Variants in TAAR2 observed in about 807,000 individuals in gnomAD.
TAAR2 encodes trace amine-associated receptor 2.
In TAAR2, 30 loss-of-function variants were observed where a neutral mutation model predicts 25.5. The ratio of observed to expected loss-of-function variants is 1.18; its 90% CI spans 0.88 to 1.60. The LOEUF (loss-of-function observed/expected upper bound fraction) is 1.60, where lower values mean the gene tolerates loss of function less well. Among genes scored for constraint, TAAR2 ranks in the 40% most tolerant of loss-of-function variants. The pLI, the probability that TAAR2 is intolerant of heterozygous loss-of-function variation, is 0.00. For synonymous variants in TAAR2, 150 were observed against 142.4 expected, an observed-to-expected ratio of 1.05 and a Z score of -0.38; for missense variants, 481 against 416.5, an observed-to-expected ratio of 1.15 and a Z score of -1.35.
chr6:132,623,822 A>G (rs1777408775), intron 1 of TAAR2, among the ~76,000 whole-genome samples: 1 of 152,050 alleles, frequency 6.6e-6, no homozygotes, highest in African/African-American at 2.4e-5. Context: ...TTTATCACCT[A>G]CAGCATTTAA....
Position 132,617,313 on chromosome 6 carries a change from T to C in TAAR2, c.893A>G (p.Asp298Gly). 6.2e-7 allele frequency: 1 copy of C among 1,613,686 alleles called. No individual in the cohort carries two copies. Among genetic ancestry groups the C allele is most frequent in the South Asian group, 1.1e-5 (1 of 91,038 alleles). Reference protein sequence around the residue: ...LNFSTPVVLFDALTWFGYFNS... With the variant: ...LNFSTPVVLFGALTWFGYFNS... Reference sequence around the variant, plus strand: ...AAAATAGCCAAACCATGTCAAGGCATCAAACAAAACTACAGGAGTAGAGAA... The same window carrying C: ...AAAATAGCCAAACCATGTCAAGGCACCAAACAAAACTACAGGAGTAGAGAA... Residue 298 changes from aspartate (D) to glycine (G), a missense_variant, in exon 2 of 2, where the codon GAT becomes GGT. By Grantham distance (94) the Asp-to-Gly change is moderately conservative. Transcript: ENST00000367931.
At chr6:132,623,335 C>A (rs972545109) in intron 1 of TAAR2, among the ~76,000 whole-genome samples, 4 of 152,162 alleles carry the variant, frequency 2.6e-5, no homozygotes, top group East Asian at 1.9e-4. Context: ...AAAATGACTG[C>A]CTTTTATTAC....
intron 1 of TAAR2, among the ~76,000 whole-genome samples, chr6:132,618,523 C>A (rs1425822047): frequency 6.6e-6 from 1 of 151,978 alleles, no homozygotes; most frequent in Non-Finnish European, 1.5e-5. Flanking sequence ...GCCTGTAATC[C>A]CAGCTACTCG....
Position 132,618,078 on chromosome 6 carries a change from C to G in TAAR2, c.128G>C (p.Arg43Pro). The G allele has an allele frequency of 1.2e-6, 2 of 1,613,736 alleles. No homozygotes were observed. Among genetic ancestry groups the G allele is most frequent in the Non-Finnish European group, 1.7e-6 (2 of 1,179,868 alleles). Reference sequence around the variant, plus strand: ...TGCCATAAATGAATACATAGCCACTCGGACACCCAGAGATCTTTCATTTTC... The same window carrying G: ...TGCCATAAATGAATACATAGCCACTGGGACACCCAGAGATCTTTCATTTTC... The part of the protein sequence containing the change: ...CPENERSLGV[R>P]VAMYSFMAGS... Residue 43 changes from arginine to proline, a missense_variant, in exon 2 of 2, where the codon CGA becomes CCA. Coordinates refer to ENST00000367931, the MANE Select transcript of TAAR2 (RefSeq NM_001033080.1).
intron 1 of TAAR2, among the ~76,000 whole-genome samples, chr6:132,622,028 C>A (rs761002219): frequency 1.3e-5 from 2 of 152,004 alleles, no homozygotes; most frequent in Non-Finnish European, 2.9e-5. Flanking sequence ...TTTCAAGGGT[C>A]ATTTTTTCTA....
chr6:132,624,120 A>G, intron 1 of TAAR2, 96 bp downstream of exon 1: 1 of 1,158,058 alleles, frequency 8.6e-7, no homozygotes. Flanking sequence ...GGAGGAATTG[A>G]GCATAATTAT....
Position 132,618,093 on chromosome 6 carries a change from C to G in TAAR2, c.113G>C (p.Arg38Thr). The part of the protein sequence containing the change: ...YGNRSCPENE[R>T]SLGVRVAMYS... ...CATAGCCACTCGGACACCCAGAGAT[C>G]TTTCATTTTCTGGGCAAGATCTATT... Residue 38 changes from arginine (R) to threonine (T), a missense_variant, in exon 2 of 2, where the codon AGA (arginine) becomes ACA (threonine). Physicochemically the swap from Arg to Thr is moderately conservative, Grantham distance 71 (BLOSUM62 -1). Coordinates refer to ENST00000367931, the MANE Select transcript of TAAR2 (RefSeq NM_001033080.1). 1 of 1,612,036 alleles carries G rather than the reference C, an allele frequency of 6.2e-7. No homozygotes were observed. The highest frequency in any genetic ancestry group is 1.1e-5 in the South Asian group (1 of 90,596).
At chr6:132,620,720 C>T (rs1322682830) in intron 1 of TAAR2, among the ~76,000 whole-genome samples, 1 of 151,980 alleles carries the variant, frequency 6.6e-6, no homozygotes, top group Non-Finnish European at 1.5e-5. Flanking sequence ...GTACAACAAA[C>T]CCCATGACAC....
At chr6:132,619,290 C>T (rs7764168) in intron 1 of TAAR2, among the ~76,000 whole-genome samples, 16,622 of 152,226 alleles carry the variant, frequency 0.11, 2,423 homozygotes, top group African/African-American at 0.33. Context: ...GCTCATTTTA[C>T]ATATTAAAAT....
At position 132,622,085 on chromosome 6, in the gene TAAR2, T is replaced by C. The variant is rs1777382848; in HGVS notation, c.60+2131A>G. ...GCATCTATAGATACATGGATTGCCA[T>C]AGAGTTAAATGGAATGTCAGATCTT... On this transcript the variant is annotated intron_variant, in intron 1 of 1. Coordinates refer to ENST00000367931, the MANE Select transcript of TAAR2 (RefSeq NM_001033080.1). 2.6e-5 allele frequency among the ~76,000 whole-genome samples: 4 copies of C among 152,204 alleles called. No homozygotes were observed. The South Asian group carries it at 6.2e-4, about 24-fold the overall frequency.
chr6:132,621,914 A>G (rs1777380318), intron 1 of TAAR2, among the ~76,000 whole-genome samples: 1 of 152,174 alleles, frequency 6.6e-6, no homozygotes, highest in Admixed American at 6.5e-5. Context: ...TTCATGTGAC[A>G]TCTATCATCA....
intron 1 of TAAR2, among the ~76,000 whole-genome samples, chr6:132,622,893 T>C (rs1777393280): frequency 6.6e-6 from 1 of 152,214 alleles, no homozygotes; most frequent in South Asian, 2.1e-4. Flanking sequence ...TTGATTTCTT[T>C]TGATTGTTCA....
intron 1 of TAAR2, 135 bp downstream of exon 1, chr6:132,624,081 G>A: frequency 2.4e-6 from 2 of 847,678 alleles, no homozygotes; most frequent in Non-Finnish European, 3.7e-6. Flanking sequence ...GTGATTAAAA[G>A]AACACATTTC....
rs1192007640 is a variant in TAAR2, at chr6:132,622,827, T to G, written c.60+1389A>C. On this transcript the variant is annotated intron_variant, in intron 1 of 1. Coordinates refer to ENST00000367931, the MANE Select transcript of TAAR2 (RefSeq NM_001033080.1). ...CTTAATGGATTTCACTATGTCTTTC[T>G]GCCAGCTAATCATTGTTTCTCATTT... Among the ~76,000 whole-genome samples, 3 of 152,272 alleles carry G rather than the reference T, an allele frequency of 2.0e-5. No individual in the cohort carries two copies. In the East Asian group the frequency reaches 5.8e-4, roughly 29 times the overall value.
At chr6:132,622,860 T>C (rs1260083735) in intron 1 of TAAR2, among the ~76,000 whole-genome samples, 1 of 152,154 alleles carries the variant, frequency 6.6e-6, no homozygotes, top group African/African-American at 2.4e-5. Flanking sequence ...TTTCCTTGAA[T>C]TATTTTGCCC....
At chr6:132,623,687 G>C (rs1777404866) in intron 1 of TAAR2, among the ~76,000 whole-genome samples, 1 of 145,016 alleles carries the variant, frequency 6.9e-6, no homozygotes, top group Non-Finnish European at 1.5e-5. Flanking sequence ...TTCGTCTTAA[G>C]GGGATTAAAT....
rs1026614838 is a variant in TAAR2, at chr6:132,618,327, T to C, written c.61-182A>G. 17 of 760,446 alleles carry C rather than the reference T, an allele frequency of 2.2e-5. No homozygotes were observed. The Admixed American group carries it at 4.1e-4, about 18-fold the overall frequency. The allele number at this position is 760,446 out of a possible 1,614,324, so 47.1% of individuals were successfully genotyped here. A position where few individuals can be genotyped will look rare whatever the true frequency, so the allele number is the denominator to read the frequency against. On this transcript the variant is annotated intron_variant, in intron 1 of 1. Coordinates refer to ENST00000367931, the MANE Select transcript of TAAR2 (RefSeq NM_001033080.1). Reference sequence around the variant, plus strand: ...ATCTTTATTTGTAATTTTGTAGAATTGTAACCTAATTGGCTTAAAAGATCA... The same window carrying C: ...ATCTTTATTTGTAATTTTGTAGAATCGTAACCTAATTGGCTTAAAAGATCA...
Position 132,617,630 on chromosome 6 carries a change from G to A in TAAR2, c.576C>T (p.Asp192=), listed in dbSNP as rs1311331445. The part of the protein sequence containing the change: ...EAYADGIEGY[D]ILVACSSSCP... ...AGGAACTGGAACAAGCAACCAAGAT[G>A]TCATAGCCCTCTATTCCATCTGCAT... The change falls in exon 2 of 2, where the codon GAC becomes GAT. Residue 192 remains aspartate (D), a synonymous_variant. Transcript: ENST00000367931. 6 of 1,613,848 alleles carry A rather than the reference G, an allele frequency of 3.7e-6. No homozygotes were observed. In the African/African-American group the frequency reaches 5.3e-5, roughly 14 times the overall value.
rs1777305441 is a variant in TAAR2, at chr6:132,617,304, G to T, written c.902C>A (p.Thr301Lys). 2 of 1,613,694 alleles carry T rather than the reference G, an allele frequency of 1.2e-6. No individual in the cohort carries two copies. The highest frequency in any genetic ancestry group is 1.7e-6 in the Non-Finnish European group (2 of 1,179,884). The change falls in exon 2 of 2, where the codon ACA (threonine) becomes AAA (lysine). Residue 301 changes from threonine (T) to lysine (K), a missense_variant. Thr to Lys is a moderately conservative substitution (Grantham distance 78). Coordinates refer to ENST00000367931, the MANE Select transcript of TAAR2 (RefSeq NM_001033080.1). ...TGTGGAGTTAAAATAGCCAAACCAT[G>T]TCAAGGCATCAAACAAAACTACAGG... ...STPVVLFDAL[T>K]WFGYFNSTCN...
Sources: allele counts gnomAD v4.1 joint callset (sites outside exome capture counted in the v4.1 genomes callset), GRCh38; gene constraint gnomAD v4.1.1; transcripts MANE v1.5; gene names NCBI Gene and HGNC (gene_info 2026-07-23, HGNC 2026-07-21).